Variants in TRIM38 observed in about 807,000 individuals in gnomAD.
TRIM38 encodes the protein tripartite motif containing 38.
In TRIM38, 35 loss-of-function variants were observed where a neutral mutation model predicts 35.8. The observed-to-expected ratio is 0.98, with a 90% confidence interval of 0.75 to 1.30. The LOEUF (loss-of-function observed/expected upper bound fraction) is 1.30. Ranked by LOEUF, TRIM38 falls within the 50% of genes most tolerant of loss-of-function variation. The pLI is 0.00. For missense variants in TRIM38, 545 were observed against 556.9 expected, an observed-to-expected ratio of 0.98 and a Z score of 0.21; for synonymous variants, 198 against 204.7, an observed-to-expected ratio of 0.97 and a Z score of 0.28.
At chr6:25,969,508 T>A in intron 4 of TRIM38, 88 bp downstream of exon 4, 1 of 1,085,998 alleles carries the variant, frequency 9.2e-7, no homozygotes, top group Non-Finnish European at 1.3e-6. Flanking sequence ...CAATGAGGAT[T>A]TATTCTCACT....
chr6:25,989,510 CTTTTTTTTTTTTTTT>C lies in TRIM38; in HGVS notation c.*5833_*5847del, dbSNP rs59539108. The stretch of plus-strand genomic sequence containing the variant: ...GCTATTGTTAGCAAGGTCTTGTATT[CTTTTTTTTTTTTTTT>C]TTTTTTTTTAATAGAGACGGGTCTT... On this transcript the variant is annotated 3_prime_UTR_variant, in exon 8 of 8. Transcript: ENST00000357085. 1.1e-5 allele frequency: 1 copy of C among 93,736 alleles called. No individual in the cohort carries two copies. The highest frequency in any genetic ancestry group is 4.0e-5 in the African/African-American group (1 of 25,244). 5.8% of individuals were successfully genotyped at this position (93,736 alleles called of 1,614,324 possible).
Position 25,989,349 on chromosome 6 carries a change from A to G in TRIM38, c.*5662A>G, listed in dbSNP as rs1322344163. On this transcript the variant is annotated 3_prime_UTR_variant, in exon 8 of 8. Transcript: ENST00000357085. The stretch of plus-strand genomic sequence containing the variant: ...ACCTGCCAATGTGTGGCTTTTCTTC[A>G]ACACTTCTTTGTAAATTTGCAAGTC... 6.6e-6 allele frequency: 1 copy of G among 152,120 alleles called. No individual in the cohort carries two copies. Among genetic ancestry groups the G allele is most frequent in the African/African-American group, 2.4e-5 (1 of 41,406 alleles). 9.4% of individuals were successfully genotyped at this position (152,120 alleles called of 1,614,324 possible).
chr6:25,978,872 T>G (rs531914232), intron 7 of TRIM38, among the ~76,000 whole-genome samples: 1 of 152,160 alleles, frequency 6.6e-6, no homozygotes, highest in African/African-American at 2.4e-5. Flanking sequence ...TTGGCCATAT[T>G]GACCAGGCTG....
rs1760766135 is a variant in TRIM38 at position 25,988,208 on chromosome 6, C to T, written c.*4521C>T. ...TTACTGCAGAACTGCCCCTGAGCTG[C>T]TACTCTGGGCACATTACTTATGGGT... On this transcript the variant is annotated 3_prime_UTR_variant, in exon 8 of 8. Transcript: ENST00000357085. 1 of 152,184 alleles carries T rather than the reference C, an allele frequency of 6.6e-6. No individual in the cohort carries two copies. Among genetic ancestry groups the T allele is most frequent in the Non-Finnish European group, 1.5e-5 (1 of 68,044 alleles). The allele number at this position is 152,184 out of a possible 1,614,324, so 9.4% of individuals were successfully genotyped here. A position where few individuals can be genotyped will look rare whatever the true frequency, so the allele number is the denominator to read the frequency against.
rs1347564580 is a variant in TRIM38, at chr6:25,989,338, G to A, written c.*5651G>A. 1 of 152,080 alleles carries A rather than the reference G, an allele frequency of 6.6e-6. No homozygotes were observed. The allele number at this position is 152,080 out of a possible 1,614,324, so 9.4% of individuals were successfully genotyped here. A position where few individuals can be genotyped will look rare whatever the true frequency, so the allele number is the denominator to read the frequency against. ...TTGCAAACATTACCTGCCAATGTGT[G>A]GCTTTTCTTCAACACTTCTTTGTAA... On this transcript the variant is annotated 3_prime_UTR_variant, in exon 8 of 8. Transcript: ENST00000357085.
Position 25,983,646 on chromosome 6 carries a change from T to C in TRIM38, c.1357T>C (p.Tyr453His). 2 of 1,610,356 alleles carry C rather than the reference T, an allele frequency of 1.2e-6. No homozygotes were observed. Among genetic ancestry groups the C allele is most frequent in the Non-Finnish European group, 1.7e-6 (2 of 1,178,616 alleles). Residue 453 changes from tyrosine (Y) to histidine (H), a missense_variant, in exon 8 of 8, where the codon TAT becomes CAT. Physicochemically the swap from Tyr to His is moderately conservative, Grantham distance 83. Transcript: ENST00000357085. Reference protein sequence around the residue: ...SDTLRPYFQVYQYSPLFLPPP... With the variant: ...SDTLRPYFQVHQYSPLFLPPP... ...TACTCTCCGGCCCTATTTCCAGGTT[T>C]ATCAATATTCTCCTTTGTTTCTGCC...
At chr6:25,964,987 A>G (rs982483969) in intron 2 of TRIM38, among the ~76,000 whole-genome samples, 1 of 151,882 alleles carries the variant, frequency 6.6e-6, no homozygotes, top group African/African-American at 2.4e-5. Context: ...AACTTTTTGT[A>G]TTTTTAGTAG....
intron 5 of TRIM38, among the ~76,000 whole-genome samples, chr6:25,972,465 G>C (rs1433059024): frequency 6.6e-6 from 1 of 152,194 alleles, no homozygotes; most frequent in Non-Finnish European, 1.5e-5. Context: ...TAGAACCCTT[G>C]CTCCAGAGCT....
intron 3 of TRIM38, among the ~76,000 whole-genome samples, 170 bp downstream of exon 3, chr6:25,967,103 G>A (rs137995367): frequency 6.6e-6 from 1 of 152,304 alleles, no homozygotes; most frequent in African/African-American, 2.4e-5. Flanking sequence ...TATCTAGACT[G>A]TCCATCCTGA....
intron 7 of TRIM38, among the ~76,000 whole-genome samples, chr6:25,982,186 C>A (rs979380808): frequency 2.6e-5 from 4 of 152,142 alleles, no homozygotes; most frequent in African/African-American, 7.2e-5. Flanking sequence ...GGCATAAAAC[C>A]CCTCATAGCC....
chr6:25,966,873 G>GGCACCACAGCAAAAAGGGC lies in TRIM38; in HGVS notation c.362_363insAAAAGGGCGCACCACAGCA (p.His121GlnfsTer16). On this transcript the variant is annotated frameshift_variant, in exon 3 of 8. Coordinates refer to ENST00000357085, the MANE Select transcript of TRIM38 (RefSeq NM_006355.5). LOFTEE classifies it high-confidence loss of function. Reference sequence around the variant, plus strand: ...AGCTCATCTGCTGGCGCTGTGAGCGGGCACCACAGCACAAAGGGCACACCA... The same window carrying GGCACCACAGCAAAAAGGGC: ...AGCTCATCTGCTGGCGCTGTGAGCGGGCACCACAGCAAAAAGGGCGCACCACAGCACAAAGGGCACACCA... 1 of 1,614,164 alleles carries GGCACCACAGCAAAAAGGGC rather than the reference G, an allele frequency of 6.2e-7. No individual in the cohort carries two copies. The highest frequency in any genetic ancestry group is 2.2e-5 in the East Asian group (1 of 44,878).
rs1369246801 is a variant in TRIM38, at chr6:25,972,914, G to C, written c.739-140G>C. 45 of 1,033,418 alleles carry C rather than the reference G, an allele frequency of 4.4e-5. No homozygotes were observed. In the Admixed American group the frequency reaches 9.3e-4, roughly 21 times the overall value. 64.0% of individuals were successfully genotyped at this position (1,033,418 alleles called of 1,614,324 possible). On this transcript the variant is annotated intron_variant, in intron 5 of 7. Transcript: ENST00000357085. Reference sequence around the variant, plus strand: ...GACTGGTGGGAATTACTTTGTTTGAGTATCCATCAATATCTAAGACTAAGA... The same window carrying C: ...GACTGGTGGGAATTACTTTGTTTGACTATCCATCAATATCTAAGACTAAGA...
chr6:25,966,421 T>C lies in TRIM38; in HGVS notation c.-102T>C. The stretch of plus-strand genomic sequence containing the variant: ...ATGGAAGTCAGTTGCAGCCAGCTCA[T>C]CACATAGAGGTGCAGGTGAGGTGTA... On this transcript the variant is annotated 5_prime_UTR_variant, in exon 3 of 8. Coordinates refer to ENST00000357085, the MANE Select transcript of TRIM38 (RefSeq NM_006355.5). 7.9e-7 allele frequency: 1 copy of C among 1,259,478 alleles called. No individual in the cohort carries two copies. The highest frequency in any genetic ancestry group is 1.1e-6 in the Non-Finnish European group (1 of 935,362). 78.0% of individuals were successfully genotyped at this position (1,259,478 alleles called of 1,614,324 possible).
chr6:25,974,866 C>T (rs935272445), intron 7 of TRIM38: 22 of 984,930 alleles, frequency 2.2e-5, no homozygotes, highest in Non-Finnish European at 2.4e-5. Flanking sequence ...CAAACAACAA[C>T]AAAACCCAAA....
intron 7 of TRIM38, among the ~76,000 whole-genome samples, chr6:25,980,489 C>G (rs541374942): frequency 6.6e-6 from 1 of 151,192 alleles, no homozygotes; most frequent in South Asian, 2.1e-4. Flanking sequence ...GGCGAAATCT[C>G]AGCTCACTGC....
Position 25,983,392 on chromosome 6 carries a change from T to TGCAGAGGGGCACTGGCATGAAGCAAGA in TRIM38, c.1106_1132dup (p.Gln369_Glu377dup). ...GATTTAGGAGTTTGTATGGAAAATG[T>TGCAGAGGGGCACTGGCATGAAGCAAGA]GCAGAGGGGCACTGGCATGAAGCAA... On this transcript the variant is annotated inframe_insertion, in exon 8 of 8. Transcript: ENST00000357085. 1 of 1,614,098 alleles carries TGCAGAGGGGCACTGGCATGAAGCAAGA rather than the reference T, an allele frequency of 6.2e-7. No individual in the cohort carries two copies.
Position 25,986,141 on chromosome 6 carries a change from T to C in TRIM38, c.*2454T>C, listed in dbSNP as rs1346623254. The C allele has an allele frequency of 6.6e-6, 1 of 152,094 alleles. No individual in the cohort carries two copies. Among genetic ancestry groups the C allele is most frequent in the Non-Finnish European group, 1.5e-5 (1 of 68,012 alleles). 9.4% of individuals were successfully genotyped at this position (152,094 alleles called of 1,614,324 possible). A position where few individuals can be genotyped will look rare whatever the true frequency, so the allele number is the denominator to read the frequency against. ...TTTGAAGAATTAGATGCAAATAAAT[T>C]TGAAAACCTTTAAAAAGAAACCAAT... On this transcript the variant is annotated 3_prime_UTR_variant, in exon 8 of 8. Coordinates refer to ENST00000357085, the MANE Select transcript of TRIM38 (RefSeq NM_006355.5).
intron 4 of TRIM38, among the ~76,000 whole-genome samples, chr6:25,970,244 T>C (rs995218262): frequency 5.9e-5 from 9 of 152,218 alleles, no homozygotes; most frequent in African/African-American, 2.2e-4. Flanking sequence ...ACATCACAAG[T>C]AATGCAACAA....
Position 25,983,360 on chromosome 6 carries a change from C to T in TRIM38, c.1071C>T (p.Thr357=), listed in dbSNP as rs756936805. ...RYFEVDVGEG[T]GWDLGVCMEN... Reference sequence around the variant, plus strand: ...TTGAAGTGGATGTTGGCGAAGGAACCGGATGGGATTTAGGAGTTTGTATGG... The same window carrying T: ...TTGAAGTGGATGTTGGCGAAGGAACTGGATGGGATTTAGGAGTTTGTATGG... The change falls in exon 8 of 8, where the codon ACC becomes ACT. Residue 357 remains threonine, a synonymous_variant. Coordinates refer to ENST00000357085, the MANE Select transcript of TRIM38 (RefSeq NM_006355.5). The T allele has an allele frequency of 8.1e-6, 13 of 1,613,980 alleles. No homozygotes were observed. In the East Asian group the frequency reaches 1.3e-4, roughly 17 times the overall value.
Sources: gnomAD v4.1 joint callset for allele counts (sites outside exome capture counted in the v4.1 genomes callset) on GRCh38, gnomAD v4.1.1 for gene constraint, MANE v1.5 for transcripts, NCBI Gene and HGNC (gene_info 2026-07-23, HGNC 2026-07-21) for gene names.